The following LRP5 variants were observed in gnomAD, a reference collection of about 807,000 sequenced individuals.
LRP5 encodes the protein LDL receptor related protein 5.
LRP5 carries 62 observed loss-of-function variants against 154.1 expected under a neutral mutation model. The ratio of observed to expected loss-of-function variants is 0.40; its 90% confidence interval spans 0.33 to 0.50. LRP5 has a LOEUF of 0.50. Among genes scored for constraint, LRP5 ranks in the 20% least tolerant of loss-of-function variants. LRP5 has a pLI of 0.55. For synonymous variants in LRP5, 966 were observed against 1,011.5 expected, an observed-to-expected ratio of 0.96 and a Z score of 0.85; for missense variants, 1,915 against 2,336.7, an observed-to-expected ratio of 0.82 and a Z score of 3.72.
At chr11:68,380,769 C>G (rs893600304) in intron 5 of LRP5, among the ~76,000 whole-genome samples, 3 of 152,182 alleles carry the variant, frequency 2.0e-5, no homozygotes, top group African/African-American at 7.2e-5. Flanking sequence ...AGATCAGCCC[C>G]GGCGACAGGT....
At chr11:68,364,766 C>A (rs766481940) in intron 4 of LRP5, among the ~76,000 whole-genome samples, 22 of 152,110 alleles carry the variant, frequency 1.4e-4, no homozygotes, top group Non-Finnish European at 1.3e-4. Context: ...GCCAGCTGTT[C>A]CCAGAGCAGG....
chr11:68,364,345 T>C (rs992474344), intron 4 of LRP5, among the ~76,000 whole-genome samples: 13 of 144,426 alleles, frequency 9.0e-5, no homozygotes, highest in African/African-American at 3.5e-4. Context: ...TGGTTATTTA[T>C]ATATACATAT....
At chr11:68,446,161 C>G (rs1238659151) in intron 21 of LRP5, among the ~76,000 whole-genome samples, 2 of 152,210 alleles carry the variant, frequency 1.3e-5, no homozygotes, top group Admixed American at 6.5e-5. Context: ...CTTCACAGCC[C>G]AGCATCTGGT....
chr11:68,429,974 A>G (rs932092068), intron 17 of LRP5, among the ~76,000 whole-genome samples: 4 of 152,152 alleles, frequency 2.6e-5, no homozygotes, highest in Non-Finnish European at 4.4e-5. Flanking sequence ...CTGAGATGAC[A>G]TCTTTGGCTC....
chr11:68,373,561 C>T (rs901357915), intron 5 of LRP5, among the ~76,000 whole-genome samples: 2 of 152,180 alleles, frequency 1.3e-5, no homozygotes, highest in Non-Finnish European at 2.9e-5. Flanking sequence ...CCAGCGTGGC[C>T]GGGGCTCAGT....
chr11:68,345,769 A>C (rs951689506), intron 1 of LRP5, among the ~76,000 whole-genome samples: 2 of 152,144 alleles, frequency 1.3e-5, no homozygotes, highest in Admixed American at 1.3e-4. Context: ...TAGCTGCACC[A>C]TTTCACATTT....
At chr11:68,365,837 C>G in intron 5 of LRP5, 135 bp downstream of exon 5, 1 of 908,378 alleles carries the variant, frequency 1.1e-6, no homozygotes, top group Non-Finnish European at 1.6e-6. Flanking sequence ...TGTGGTGATT[C>G]AAGTCTGTGG....
rs556442 is a variant in LRP5 at position 68,425,222 on chromosome 11, G to A, written c.3357G>A (p.Val1119=). The A allele has an allele frequency of 0.66, 1,071,614 of 1,612,708 alleles. 366,000 individuals carry two copies. Among genetic ancestry groups the A allele is most frequent in the South Asian group, 0.78 (71,038 of 91,072 alleles). Residue 1119 remains valine, a synonymous_variant, in exon 15 of 23, where the codon GTG becomes GTA. Transcript: ENST00000294304. The part of the protein sequence containing the change: ...TGLIRPVALV[V]DNTLGKLFWV... The stretch of plus-strand genomic sequence containing the variant: ...TCATCCGCCCTGTGGCCCTGGTGGT[G>A]GACAACACACTGGGCAAGCTGTTCT...
intron 18 of LRP5, among the ~76,000 whole-genome samples, chr11:68,436,415 G>A (rs376928183): frequency 1.3e-5 from 2 of 152,098 alleles, no homozygotes; most frequent in African/African-American, 4.8e-5. Context: ...TGCTGCTCCC[G>A]TGTGGGCTGC....
At chr11:68,351,235 C>G (rs978014787) in intron 2 of LRP5, among the ~76,000 whole-genome samples, 1 of 152,132 alleles carries the variant, frequency 6.6e-6, no homozygotes, top group East Asian at 1.9e-4. Context: ...TGGGCAACCA[C>G]TCATCCCTGG....
chr11:68,304,041 G>C, the LRP5 span, among the ~76,000 whole-genome samples: 2 of 152,298 alleles, frequency 1.3e-5, no homozygotes, highest in African/African-American at 4.8e-5. Flanking sequence ...AAAAGGAGCC[G>C]ACTGCCAATA....
intron 5 of LRP5, among the ~76,000 whole-genome samples, chr11:68,371,967 G>C (rs996268414): frequency 6.6e-6 from 1 of 152,244 alleles, no homozygotes; most frequent in Non-Finnish European, 1.5e-5. Flanking sequence ...GCTATGGGTT[G>C]GTGAGGTCCA....
At chr11:68,362,135 C>G (rs1159352573) in intron 3 of LRP5, among the ~76,000 whole-genome samples, 1 of 152,174 alleles carries the variant, frequency 6.6e-6, no homozygotes. Flanking sequence ...CTGGATGAAC[C>G]TCGAAAACAT....
At chr11:68,432,199 G>A (rs1312532629) in intron 17 of LRP5, among the ~76,000 whole-genome samples, 3 of 152,202 alleles carry the variant, frequency 2.0e-5, no homozygotes, top group African/African-American at 7.2e-5. Context: ...GGCTGCTTCT[G>A]ATTGAGAGTC....
intron 5 of LRP5, among the ~76,000 whole-genome samples, chr11:68,379,425 G>A (rs543091441): frequency 2.0e-5 from 3 of 152,114 alleles, no homozygotes; most frequent in African/African-American, 4.8e-5. Flanking sequence ...CGCGGTTCCC[G>A]GGCTGCTGAC....
chr11:68,443,581 A>ATTT (rs1393479461), intron 21 of LRP5, among the ~76,000 whole-genome samples: 2 of 36,812 alleles, frequency 5.4e-5, no homozygotes, highest in African/African-American at 1.3e-4. Context: ...ATATATATAT[A>ATTT]TATATTTTTT....
At chr11:68,356,795 A>G (rs1397129721) in intron 2 of LRP5, among the ~76,000 whole-genome samples, 3 of 152,082 alleles carry the variant, frequency 2.0e-5, no homozygotes, top group Non-Finnish European at 4.4e-5. Flanking sequence ...CCTGGCAACC[A>G]CTGATGCTTT....
At chr11:68,357,577 G>T in intron 2 of LRP5, 73 bp from the exon 3 acceptor site, 12 of 1,367,916 alleles carry the variant, frequency 8.8e-6, no homozygotes, top group East Asian at 2.4e-5. Context: ...GTTGTTTCAT[G>T]TCTGCATCTA....
intron 1 of LRP5, among the ~76,000 whole-genome samples, chr11:68,340,960 G>C (rs1056220137): frequency 4.6e-5 from 7 of 150,948 alleles, no homozygotes; most frequent in Non-Finnish European, 8.8e-5. Context: ...TTGACATGTC[G>C]AACGTTTTGT....
Sources: allele counts gnomAD v4.1 joint callset (sites outside exome capture counted in the v4.1 genomes callset), GRCh38; gene constraint gnomAD v4.1.1; transcripts MANE v1.5; gene names NCBI Gene and HGNC (gene_info 2026-07-23, HGNC 2026-07-21).